Variants in ZNF124 observed in about 807,000 individuals in gnomAD.
ZNF124 encodes zinc finger protein 124.
ZNF124 carries 25 observed loss-of-function variants against 26.6 expected under a neutral mutation model. The ratio of observed to expected loss-of-function variants is 0.94; its 90% confidence interval spans 0.68 to 1.31. The LOEUF (loss-of-function observed/expected upper bound fraction) is 1.31. Ranked by LOEUF, ZNF124 falls within the 40% of genes most tolerant of loss-of-function variation. ZNF124 has a pLI of 0.00. For missense variants in ZNF124, 444 were observed against 422.2 expected (o/e 1.05, Z -0.45); for synonymous variants, 129 against 133.3 (o/e 0.97, Z 0.22).
chr1:247,161,046 T>C (rs1057510635), intron 1 of ZNF124, among the ~76,000 whole-genome samples: 1 of 152,240 alleles, frequency 6.6e-6, no homozygotes, highest in Non-Finnish European at 1.5e-5. Flanking sequence ...TAAAATTTCA[T>C]AGATGCCTGA....
At chr1:247,128,084 C>A (rs955403957) in intron 3 of ZNF124, among the ~76,000 whole-genome samples, 3 of 152,158 alleles carry the variant, frequency 2.0e-5, no homozygotes, top group African/African-American at 7.2e-5. Context: ...TACTCTCAAA[C>A]TCCAACTTCC....
intron 3 of ZNF124, among the ~76,000 whole-genome samples, chr1:247,137,370 G>A (rs1054383537): frequency 7.5e-5 from 11 of 147,224 alleles, no homozygotes; most frequent in Admixed American, 2.8e-4. Context: ...GAGGCCAGGT[G>A]CAGTGGCTCG....
intron 1 of ZNF124, among the ~76,000 whole-genome samples, chr1:247,161,431 T>G (rs2103127507): frequency 6.6e-6 from 1 of 152,144 alleles, no homozygotes; most frequent in South Asian, 2.1e-4. Flanking sequence ...TGTCATATAT[T>G]CAAAAGTAAA....
rs550956708 is a variant in ZNF124 at position 247,166,332 on chromosome 1, C to G, written c.30+5516G>C. Among the ~76,000 whole-genome samples, 38 of 152,272 alleles carry G rather than the reference C, an allele frequency of 2.5e-4. No individual in the cohort carries two copies. In the Middle Eastern group the frequency reaches 0.01, roughly 41 times the overall value. ...TCTCAAAGAAATTAAAACAGAACTC[C>G]CATTCAACCTAGCAATCCCATTTAT... On this transcript the variant is annotated intron_variant, in intron 1 of 3. Transcript: ENST00000543802.
At chr1:247,144,062 A>G (rs1269158250) in intron 3 of ZNF124, among the ~76,000 whole-genome samples, 2 of 152,156 alleles carry the variant, frequency 1.3e-5, no homozygotes, top group South Asian at 2.1e-4. Flanking sequence ...ATCTGCTCCA[A>G]TACTAACCCT....
Position 247,166,218 on chromosome 1 carries a change from G to T in ZNF124, c.30+5630C>A, listed in dbSNP as rs145221495. Among the ~76,000 whole-genome samples, 120 of 152,252 alleles carry T rather than the reference G, an allele frequency of 7.9e-4. 2 individuals carry two copies. The East Asian group carries it at 0.021, about 27-fold the overall frequency. On this transcript the variant is annotated intron_variant, in intron 1 of 3. Coordinates refer to ENST00000543802, the MANE Select transcript of ZNF124 (RefSeq NM_001297568.2). ...GTGAAAACAAAACAAAACAAAACCA[G>T]ATGCTGGTAAGGTTGTGGAGAAAAG...
At chr1:247,132,333 A>G (rs561902605) in intron 3 of ZNF124, among the ~76,000 whole-genome samples, 7 of 152,236 alleles carry the variant, frequency 4.6e-5, no homozygotes, top group Non-Finnish European at 1.0e-4. Context: ...AAGATGAGAA[A>G]GAATCAATGA....
At chr1:247,163,506 C>T (rs1673611649) in intron 1 of ZNF124, among the ~76,000 whole-genome samples, 1 of 149,986 alleles carries the variant, frequency 6.7e-6, no homozygotes, top group South Asian at 2.1e-4. Flanking sequence ...GCTATTATTA[C>T]AAACATCTCT....
At chr1:247,169,022 CTAAA>C (rs1400736279) in intron 1 of ZNF124, among the ~76,000 whole-genome samples, 1 of 151,720 alleles carries the variant, frequency 6.6e-6, no homozygotes, top group Non-Finnish European at 1.5e-5. Flanking sequence ...AATTAAAAAA[CTAAA>C]TATATATATA....
intron 1 of ZNF124, among the ~76,000 whole-genome samples, chr1:247,167,097 T>C (rs764647435): frequency 2.0e-4 from 30 of 152,164 alleles, no homozygotes; most frequent in Middle Eastern, 3.2e-3. Context: ...CCACTCATGA[T>C]AAAAATACAC....
At chr1:247,134,112 T>C (rs1231775476) in intron 3 of ZNF124, among the ~76,000 whole-genome samples, 1 of 151,948 alleles carries the variant, frequency 6.6e-6, no homozygotes, top group Non-Finnish European at 1.5e-5. Context: ...AAGCACTAAA[T>C]ACGGAAAGAA....
intron 1 of ZNF124, among the ~76,000 whole-genome samples, chr1:247,163,352 G>T (rs1278171307): frequency 6.7e-6 from 1 of 150,096 alleles, no homozygotes; most frequent in East Asian, 2.0e-4. Context: ...ACAACTTCAG[G>T]AGTCAATTTT....
chr1:247,136,947 A>G (rs1306383080), intron 3 of ZNF124, among the ~76,000 whole-genome samples: 1 of 146,630 alleles, frequency 6.8e-6, no homozygotes, highest in Non-Finnish European at 1.5e-5. Flanking sequence ...ACCCATCTCA[A>G]AAAAAAAAAA....
chr1:247,128,106 TACA>T (rs911365668), intron 3 of ZNF124, among the ~76,000 whole-genome samples: 17 of 152,218 alleles, frequency 1.1e-4, no homozygotes, highest in African/African-American at 2.7e-4. Context: ...CTTTCCAATT[TACA>T]ACATTATTAT....
downstream of ZNF124, among the ~76,000 whole-genome samples, chr1:247,154,944 C>T (rs1036093544): frequency 1.6e-4 from 25 of 151,864 alleles, no homozygotes; most frequent in Admixed American, 2.6e-4. Context: ...TTCAACAACA[C>T]TTGACAATGA....
intron 3 of ZNF124, among the ~76,000 whole-genome samples, chr1:247,141,309 G>T (rs1008727377): frequency 1.3e-5 from 2 of 152,092 alleles, no homozygotes; most frequent in African/African-American, 4.8e-5. Context: ...TGCAGACAGC[G>T]GTAGCAAGGC....
chr1:247,159,771 C>G lies in ZNF124; in HGVS notation c.73G>C (p.Glu25Gln), dbSNP rs370268690. 3 of 1,613,642 alleles carry G rather than the reference C, an allele frequency of 1.9e-6. No individual in the cohort carries two copies. The African/African-American group carries it at 4.0e-5, about 22-fold the overall frequency. Residue 25 changes from glutamate to glutamine, a missense_variant, in exon 2 of 4, where the codon GAG becomes CAG. Glu to Gln is a conservative substitution (Grantham distance 29). Transcript: ENST00000543802. The part of the protein sequence containing the change: ...FEDVAVNFTQ[E>Q]EWALLDPSQK... ...GAAGGATCCAACAAAGCCCACTCCT[C>G]CTGGGTGAAGTTCACAGCCACATCC... is the stretch of plus-strand genomic sequence containing the variant.
At chr1:247,161,346 G>C (rs916171006) in intron 1 of ZNF124, among the ~76,000 whole-genome samples, 2 of 152,076 alleles carry the variant, frequency 1.3e-5, no homozygotes, top group African/African-American at 2.4e-5. Context: ...TTTAAACATG[G>C]AACAAAGCTA....
intron 3 of ZNF124, among the ~76,000 whole-genome samples, chr1:247,124,346 G>A (rs1672156813): frequency 6.6e-6 from 1 of 151,948 alleles, no homozygotes; most frequent in African/African-American, 2.4e-5. Flanking sequence ...TGGGATTACA[G>A]GTGCAGGCCA....
Sources: gnomAD v4.1 joint callset for allele counts (sites outside exome capture counted in the v4.1 genomes callset) on GRCh38, gnomAD v4.1.1 for gene constraint, MANE v1.5 for transcripts, NCBI Gene and HGNC (gene_info 2026-07-23, HGNC 2026-07-21) for gene names.